The following TRAF3IP2 variants were observed in gnomAD, a reference collection of about 807,000 sequenced individuals.
The protein encoded by TRAF3IP2 is E3 ubiquitin ligase TRAF3IP2.
A neutral mutation model predicts 57.9 loss-of-function variants in TRAF3IP2; 35 were observed. The observed-to-expected ratio is 0.60, with a 90% CI of 0.46 to 0.80. The LOEUF (loss-of-function observed/expected upper bound fraction) is 0.80, where lower values mean the gene tolerates loss of function less well. Ranked by LOEUF, TRAF3IP2 falls within the 30% of genes least tolerant of loss-of-function variation. The pLI is 0.00. For missense variants in TRAF3IP2, 556 were observed against 706.4 expected (o/e 0.79, Z 2.41); for synonymous variants, 251 against 268.9 (o/e 0.93, Z 0.65).
In TRAF3IP2 at chr6:111,592,080, G is replaced by T. The variant is rs557983485; in HGVS notation, c.7C>A (p.Arg3=). 3.1e-6 allele frequency: 5 copies of T among 1,612,460 alleles called. No individual in the cohort carries two copies. In the East Asian group the frequency reaches 6.7e-5, roughly 22 times the overall value. MN[R]SIPVEVDESE... ...TCATCAACCTCCACAGGAATGCTTC[G>T]GTTCATTCTAGTTTCTGGAACAAGA... is the stretch of plus-strand genomic sequence containing the variant. Residue 3 remains arginine (R), a synonymous_variant, in exon 2 of 9, where the codon CGA becomes AGA. Coordinates refer to ENST00000368761, the MANE Select transcript of TRAF3IP2 (RefSeq NM_147686.4).
In TRAF3IP2 at chr6:111,591,430, G is replaced by A. The variant is rs189180850; in HGVS notation, c.657C>T (p.Thr219=). 6.3e-7 allele frequency: 1 copy of A among 1,576,052 alleles called. No individual in the cohort carries two copies. The highest frequency in any genetic ancestry group is 2.2e-5 in the East Asian group (1 of 44,586). ...GGAGGTCCTGGGGGTAACACACGGA[G>A]GTGAGGGGCAGGGGCCTTTCCAGCT... ...IRQLERPLPL[T]SVCYPQDLPR... is the part of the protein sequence containing the mutation. The change falls in exon 2 of 9, where the codon ACC becomes ACT. Residue 219 remains threonine (T), a synonymous_variant. Transcript: ENST00000368761. This position sits in a 1 kb window ranked among gnomAD's most constrained non-coding sequence, Gnocchi z 4.9.
rs1336296708 is a variant in TRAF3IP2 at position 111,558,423 on chromosome 6, G to T, written c.*982C>A. 1 of 152,098 alleles carries T rather than the reference G, an allele frequency of 6.6e-6. No homozygotes were observed. Among genetic ancestry groups the T allele is most frequent in the Non-Finnish European group, 1.5e-5 (1 of 68,008 alleles). The allele number at this position is 152,098 out of a possible 1,614,324, so 9.4% of individuals were successfully genotyped here. A position where few individuals can be genotyped will look rare whatever the true frequency, so the allele number is the denominator to read the frequency against. On this transcript the variant is annotated 3_prime_UTR_variant, in exon 9 of 9. Transcript: ENST00000368761. The stretch of plus-strand genomic sequence containing the variant: ...ATATAAAGTTGTTTTGTTAAAAATG[G>T]GTGTTTTTATTTGTTTGTTTGTTTT...
chr6:111,558,849 T>C lies in TRAF3IP2; in HGVS notation c.*556A>G, dbSNP rs1795331744. 6.6e-6 allele frequency: 1 copy of C among 152,304 alleles called. No homozygotes were observed. Among genetic ancestry groups the C allele is most frequent in the African/African-American group, 2.4e-5 (1 of 41,472 alleles). 9.4% of individuals were successfully genotyped at this position (152,304 alleles called of 1,614,324 possible). On this transcript the variant is annotated 3_prime_UTR_variant, in exon 9 of 9. Coordinates refer to ENST00000368761, the MANE Select transcript of TRAF3IP2 (RefSeq NM_147686.4). ...GGTCTGTTATATTTATCTAATATTA[T>C]ATCTAAGCAGCTTTGTTGATGTCCC...
intron 2 of TRAF3IP2, among the ~76,000 whole-genome samples, chr6:111,588,531 G>GT (rs1369908311): frequency 2.0e-5 from 3 of 152,224 alleles, no homozygotes; most frequent in Non-Finnish European, 2.9e-5. Flanking sequence ...TCCGTGGGAA[G>GT]TATTTTCCAG....
chr6:111,589,973 G>A (rs966226190), intron 2 of TRAF3IP2, among the ~76,000 whole-genome samples: 11 of 152,240 alleles, frequency 7.2e-5, no homozygotes, highest in South Asian at 2.1e-4. Context: ...TTTCTGTCCA[G>A]TGTTTATTTG....
intron 4 of TRAF3IP2, among the ~76,000 whole-genome samples, chr6:111,574,237 GA>G (rs2128375018): frequency 6.6e-6 from 1 of 152,296 alleles, no homozygotes; most frequent in South Asian, 2.1e-4. Flanking sequence ...AGTTGTCAAT[GA>G]CTAAACAGCA....
chr6:111,559,940 T>TTTCA (rs1289650471), intron 8 of TRAF3IP2, among the ~76,000 whole-genome samples: 2 of 152,196 alleles, frequency 1.3e-5, no homozygotes, highest in Non-Finnish European at 2.9e-5. Context: ...TTCATTACTC[T>TTTCA]TTCACTCCAG....
intron 7 of TRAF3IP2, among the ~76,000 whole-genome samples, chr6:111,565,673 A>C (rs990952410): frequency 6.6e-6 from 1 of 152,172 alleles, no homozygotes; most frequent in African/African-American, 2.4e-5. Flanking sequence ...CCCATAAAAC[A>C]GCCAGTTCCA....
intron 1 of TRAF3IP2, chr6:111,600,474 G>T (rs1276137658): frequency 6.6e-6 from 1 of 152,222 alleles, no homozygotes. Context: ...CTTAACAAGT[G>T]ATGGGTGAAG....
At chr6:111,597,720 ACTGGGGACAGAGGTGAGTC>A (rs1169780847) in intron 1 of TRAF3IP2, 23 of 396,618 alleles carry the variant, frequency 5.8e-5, no homozygotes, top group African/African-American at 4.8e-4. Context: ...GTGGGCATGA[ACTGGGGACAGAGGTGAGTC>A]CTGGGGACAT....
intron 6 of TRAF3IP2, chr6:111,567,064 A>C: frequency 2.1e-6 from 1 of 468,484 alleles, no homozygotes; most frequent in Non-Finnish European, 2.8e-6. Context: ...GCCTGCTGAG[A>C]CTCCCGTCCC....
chr6:111,584,677 A>C (rs1357460612), intron 2 of TRAF3IP2, among the ~76,000 whole-genome samples: 2 of 147,642 alleles, frequency 1.4e-5, no homozygotes, highest in Non-Finnish European at 3.0e-5. Flanking sequence ...AAGTTGCTAA[A>C]TAAAAACTAT....
intron 8 of TRAF3IP2, among the ~76,000 whole-genome samples, chr6:111,561,939 C>T (rs764988219): frequency 6.6e-6 from 1 of 152,142 alleles, no homozygotes; most frequent in Non-Finnish European, 1.5e-5. Flanking sequence ...GGTGTGCCAT[C>T]GCACAGGCTG....
chr6:111,580,508 G>T, intron 2 of TRAF3IP2, 119 bp from the exon 3 acceptor site: 1 of 775,318 alleles, frequency 1.3e-6, no homozygotes, highest in Non-Finnish European at 1.9e-6. Context: ...CCAGATATCT[G>T]TTACCACCTC....
chr6:111,568,581 G>C (rs923848645), intron 5 of TRAF3IP2, among the ~76,000 whole-genome samples: 1 of 151,844 alleles, frequency 6.6e-6, no homozygotes, highest in Non-Finnish European at 1.5e-5. Context: ...CCTGGGGAGG[G>C]GTTACGTGAT....
rs761838585 is a variant in TRAF3IP2 at position 111,575,623 on chromosome 6, C to T, written c.1201+20G>A. 1.3e-6 allele frequency: 2 copies of T among 1,536,100 alleles called. No individual in the cohort carries two copies. Among genetic ancestry groups the T allele is most frequent in the Non-Finnish European group, 1.8e-6 (2 of 1,124,588 alleles). ...AAAAAAAAAAAGAGGAAGGAGAGAA[C>T]AATGTTGCAAACAACTTACGCAATT... On this transcript the variant is annotated intron_variant, in intron 4 of 8. Coordinates refer to ENST00000368761, the MANE Select transcript of TRAF3IP2 (RefSeq NM_147686.4).
At chr6:111,593,710 T>C (rs1246791590) in intron 1 of TRAF3IP2, among the ~76,000 whole-genome samples, 1 of 152,180 alleles carries the variant, frequency 6.6e-6, no homozygotes, top group Non-Finnish European at 1.5e-5. Context: ...TTTCAGGCTG[T>C]GTATGTCCTC....
chr6:111,578,441 A>T (rs1180337300), intron 3 of TRAF3IP2, among the ~76,000 whole-genome samples: 1 of 152,070 alleles, frequency 6.6e-6, no homozygotes, highest in Non-Finnish European at 1.5e-5. Context: ...AGGAGTTTGA[A>T]ACCAGCCTGG....
chr6:111,579,316 C>CAAAAAAAA (rs529040872), intron 3 of TRAF3IP2, among the ~76,000 whole-genome samples: 2 of 69,832 alleles, frequency 2.9e-5, no homozygotes, highest in Non-Finnish European at 5.0e-5. Context: ...GGCTCCATCT[C>CAAAAAAAA]AAAAAAAAAA....
Sources: gnomAD v4.1 joint callset for allele counts (sites outside exome capture counted in the v4.1 genomes callset) on GRCh38, gnomAD v4.1.1 for gene constraint, Gnocchi (gnomAD v3.1) non-coding constraint, MANE v1.5 for transcripts, NCBI Gene and HGNC (gene_info 2026-07-23, HGNC 2026-07-21) for gene names.